CNTNAP2: variants seen among roughly 807,000 people sequenced by gnomAD.
CNTNAP2 encodes contactin associated protein 2, also known as contactin-associated protein-like 2.
CNTNAP2 carries 98 observed loss-of-function variants against 155.2 expected under a neutral mutation model. That is an observed-to-expected ratio of 0.63 (90% CI 0.54 to 0.75). CNTNAP2 has a LOEUF of 0.75. Ranked by LOEUF, CNTNAP2 falls within the 30% of genes least tolerant of loss-of-function variation. CNTNAP2 has a pLI of 0.00. For synonymous variants in CNTNAP2, 651 were observed against 631.2 expected (o/e 1.03, Z -0.47); for missense variants, 1,727 against 1,688.1 (o/e 1.02, Z -0.40).
intron 13 of CNTNAP2, among the ~76,000 whole-genome samples, chr7:147,772,769 T>G (rs1383703412): frequency 6.6e-6 from 1 of 152,036 alleles, no homozygotes; most frequent in Non-Finnish European, 1.5e-5. Context: ...CTCAGACTAC[T>G]TCACATTGCC....
chr7:147,920,903 G>A lies in CNTNAP2; in HGVS notation c.2255+17182G>A, dbSNP rs777736758. Among the ~76,000 whole-genome samples the A allele has an allele frequency of 7.5e-5, 11 of 147,036 alleles. No homozygotes were observed. The East Asian group carries it at 8.3e-4, about 11-fold the overall frequency. On this transcript the variant is annotated intron_variant, in intron 14 of 23. Transcript: ENST00000361727. The stretch of plus-strand genomic sequence containing the variant: ...CAGCTCACTGCAAGCTCTGCCTCCC[G>A]GGTTCAAGCAATTCTCCTGCCTCAG...
At chr7:148,202,752 C>T (rs1795387413) in intron 18 of CNTNAP2, among the ~76,000 whole-genome samples, 1 of 152,206 alleles carries the variant, frequency 6.6e-6, no homozygotes, top group South Asian at 2.1e-4. Context: ...CCACGATGTT[C>T]ATTTCCCCAG....
chr7:146,933,282 C>T (rs182322790), intron 3 of CNTNAP2, among the ~76,000 whole-genome samples: 1,953 of 152,062 alleles, frequency 0.013, 34 homozygotes, highest in African/African-American at 0.043. Flanking sequence ...GAAATAATGT[C>T]GCATATCTAC....
chr7:147,128,208 T>C (rs1261781277), intron 6 of CNTNAP2, among the ~76,000 whole-genome samples: 1 of 152,180 alleles, frequency 6.6e-6, no homozygotes, highest in Non-Finnish European at 1.5e-5. Flanking sequence ...TTGACAATAA[T>C]GGTCATTAGA....
At chr7:148,003,779 A>C (rs570223348) in intron 15 of CNTNAP2, among the ~76,000 whole-genome samples, 1 of 152,332 alleles carries the variant, frequency 6.6e-6, no homozygotes, top group South Asian at 2.1e-4. Flanking sequence ...CCTTAGAAAT[A>C]AATTTCATTC....
intron 1 of CNTNAP2, among the ~76,000 whole-genome samples, chr7:146,138,182 A>AT (rs1271729733): frequency 2.0e-5 from 3 of 152,108 alleles, no homozygotes; most frequent in African/African-American, 4.8e-5. Flanking sequence ...TTATTTTAAC[A>AT]TTTTTTGTCT....
chr7:147,926,000 A>G (rs1418460217), intron 14 of CNTNAP2, among the ~76,000 whole-genome samples: 2 of 152,210 alleles, frequency 1.3e-5, no homozygotes, highest in Non-Finnish European at 2.9e-5. Flanking sequence ...TATTTTAGTG[A>G]TAAAAAATGT....
chr7:148,008,464 C>T (rs1250181012), intron 15 of CNTNAP2, among the ~76,000 whole-genome samples: 1 of 152,156 alleles, frequency 6.6e-6, no homozygotes, highest in Non-Finnish European at 1.5e-5. Flanking sequence ...TTAGAACCTG[C>T]TTCCTTTCCT....
chr7:147,137,896 G>A (rs1178580774), intron 8 of CNTNAP2, among the ~76,000 whole-genome samples: 1 of 129,796 alleles, frequency 7.7e-6, no homozygotes, highest in Non-Finnish European at 1.7e-5. Context: ...TAGATAGATA[G>A]ATAGATAGAT....
chr7:148,020,117 A>C (rs58083908), intron 15 of CNTNAP2, among the ~76,000 whole-genome samples: 10,086 of 152,222 alleles, frequency 0.066, 744 homozygotes, highest in African/African-American at 0.19. Context: ...GAGTAACCAG[A>C]AGCCAAAGGA....
chr7:148,009,119 A>G (rs1802028570), intron 15 of CNTNAP2, among the ~76,000 whole-genome samples: 2 of 152,202 alleles, frequency 1.3e-5, no homozygotes, highest in Admixed American at 6.5e-5. Context: ...AAAATATATC[A>G]AAAGTTGAAA....
At chr7:147,972,634 A>G (rs1327848331) in intron 14 of CNTNAP2, among the ~76,000 whole-genome samples, 2 of 152,218 alleles carry the variant, frequency 1.3e-5, no homozygotes, top group Non-Finnish European at 2.9e-5. Context: ...ATGCTGATGG[A>G]AATAGCATGT....
intron 20 of CNTNAP2, among the ~76,000 whole-genome samples, chr7:148,265,388 C>T (rs1324216981): frequency 6.6e-6 from 1 of 152,114 alleles, no homozygotes; most frequent in Non-Finnish European, 1.5e-5. Flanking sequence ...ATCCTCCCAC[C>T]TCAGCCTCTC....
chr7:148,301,281 G>A (rs575279013), intron 21 of CNTNAP2, among the ~76,000 whole-genome samples: 60 of 117,828 alleles, frequency 5.1e-4, no homozygotes, highest in Admixed American at 7.7e-4. Flanking sequence ...GTGACAAGGC[G>A]AGACTCCGTC....
rs201154359 is a variant in CNTNAP2, at chr7:147,103,259, C to CTG, written c.551-4888_551-4887insTG. 9.2e-3 allele frequency among the ~76,000 whole-genome samples: 1,398 copies of CTG among 152,080 alleles called. 21 individuals are homozygous for CTG. Among genetic ancestry groups the CTG allele is most frequent in the African/African-American group, 0.032 (1,328 of 41,492 alleles). ...TGTAAATATACAAACATCAATGTAT[C>CTG]AGGTAGAGATAAATTCCATAAAAAT... On this transcript the variant is annotated intron_variant, in intron 4 of 23. Transcript: ENST00000361727.
chr7:148,363,047 T>C (rs1798656420), intron 21 of CNTNAP2, among the ~76,000 whole-genome samples: 1 of 152,214 alleles, frequency 6.6e-6, no homozygotes, highest in Admixed American at 6.5e-5. Flanking sequence ...AGTGGTGTGA[T>C]CTCAGCTCAC....
chr7:147,560,708 C>T (rs111520149), intron 11 of CNTNAP2, among the ~76,000 whole-genome samples: 2 of 151,572 alleles, frequency 1.3e-5, no homozygotes, highest in African/African-American at 4.9e-5. Context: ...CTGCTCAGTG[C>T]AGCATAGTTC....
chr7:146,771,143 A>G (rs1055823105), intron 1 of CNTNAP2, among the ~76,000 whole-genome samples: 3 of 152,184 alleles, frequency 2.0e-5, no homozygotes, highest in African/African-American at 7.2e-5. Context: ...CCACTGTTTC[A>G]TATTTAATGT....
intron 8 of CNTNAP2, among the ~76,000 whole-genome samples, chr7:147,197,078 T>A (rs1462676950): frequency 6.6e-6 from 1 of 152,172 alleles, no homozygotes; most frequent in Non-Finnish European, 1.5e-5. Context: ...CTTTTCTGTG[T>A]GGCAGATAGA....
Sources: allele counts gnomAD v4.1 joint callset (sites outside exome capture counted in the v4.1 genomes callset), GRCh38; gene constraint gnomAD v4.1.1; transcripts MANE v1.5; gene names NCBI Gene and HGNC (gene_info 2026-07-23, HGNC 2026-07-21).